Variants in EVC2 observed in about 807,000 individuals in gnomAD.
The protein encoded by EVC2 is limbin.
In EVC2, 148 loss-of-function variants were observed where a neutral mutation model predicts 149.3. The observed-to-expected ratio is 0.99, with a 90% CI of 0.87 to 1.14. The LOEUF is 1.14. EVC2 is among the 50% of genes most tolerant of loss of function. The pLI is 0.00. For missense variants in EVC2, 1,854 were observed against 1,627.3 expected (o/e 1.14, Z -2.40); for synonymous variants, 776 against 649.9 (o/e 1.19, Z -2.95).
chr4:5,676,663 C>T (rs1720015229), intron 7 of EVC2, among the ~76,000 whole-genome samples: 1 of 152,136 alleles, frequency 6.6e-6, no homozygotes, highest in Admixed American at 6.5e-5. Context: ...TCAGCTGCCC[C>T]TTCCCCAACT....
intron 7 of EVC2, among the ~76,000 whole-genome samples, chr4:5,668,867 C>A (rs186980158): frequency 1.3e-5 from 2 of 152,278 alleles, no homozygotes; most frequent in African/African-American, 4.8e-5. Context: ...GTCCTAACCC[C>A]AATACCTATG....
chr4:5,658,419 T>C lies in EVC2; in HGVS notation c.1145+4688A>G, dbSNP rs937367383. On this transcript the variant is annotated intron_variant, in intron 9 of 21. Transcript: ENST00000344408. ...ATAAAAAGAGTAGTAGTTGTAAAAATATACCATATGGTTGGCACATAAAAA... is the reference window on the plus strand; with the variant it reads ...ATAAAAAGAGTAGTAGTTGTAAAAACATACCATATGGTTGGCACATAAAAA... Among the ~76,000 whole-genome samples the C allele has an allele frequency of 5.9e-5, 9 of 152,286 alleles. No individual in the cohort carries two copies. The East Asian group carries it at 1.7e-3, about 29-fold the overall frequency.
chr4:5,658,515 C>T (rs1230951918), intron 9 of EVC2, among the ~76,000 whole-genome samples: 2 of 152,234 alleles, frequency 1.3e-5, no homozygotes, highest in South Asian at 2.1e-4. Context: ...TGTACAAACA[C>T]AATTTCGAGA....
intron 16 of EVC2, among the ~76,000 whole-genome samples, chr4:5,600,229 C>T (rs1391458104): frequency 3.3e-5 from 5 of 152,138 alleles, no homozygotes; most frequent in Admixed American, 1.3e-4. Context: ...CTGGTGCCTA[C>T]GGAGTACCTA....
intron 13 of EVC2, among the ~76,000 whole-genome samples, chr4:5,624,477 C>T (rs1577173397): frequency 6.6e-6 from 1 of 152,198 alleles, no homozygotes; most frequent in Non-Finnish European, 1.5e-5. Context: ...AGGTGTCAGG[C>T]AGTGTTCTCA....
chr4:5,629,901 G>A (rs7688985), intron 11 of EVC2, among the ~76,000 whole-genome samples: 10,341 of 152,266 alleles, frequency 0.068, 1,157 homozygotes, highest in African/African-American at 0.23. Flanking sequence ...CTCTGGTCAA[G>A]AAAGCTTGTA....
chr4:5,633,206 C>T lies in EVC2; in HGVS notation c.1471-1174G>A, dbSNP rs1716678763. On this transcript the variant is annotated intron_variant, in intron 10 of 21. Coordinates refer to ENST00000344408, the MANE Select transcript of EVC2 (RefSeq NM_147127.5). This position sits in a 1 kb window ranked among gnomAD's most constrained non-coding sequence, Gnocchi z 4.4. ...GGAGCTGAGGGCCTCAGTCTTGTAC[C>T]CACAAAGAAGTGAGTTCTGCAAACA... Among the ~76,000 whole-genome samples, 1 of 152,100 alleles carries T rather than the reference C, an allele frequency of 6.6e-6. No individual in the cohort carries two copies. Among genetic ancestry groups the T allele is most frequent in the Non-Finnish European group, 1.5e-5 (1 of 68,020 alleles).
intron 9 of EVC2, among the ~76,000 whole-genome samples, chr4:5,646,597 A>C (rs566741809): frequency 3.3e-5 from 5 of 152,326 alleles, no homozygotes; most frequent in African/African-American, 1.2e-4. Flanking sequence ...AGAGATGTAT[A>C]ATTATTTCTC....
At chr4:5,685,714 C>A (rs1720657715) in intron 5 of EVC2, among the ~76,000 whole-genome samples, 1 of 152,206 alleles carries the variant, frequency 6.6e-6, no homozygotes, top group African/African-American at 2.4e-5. Context: ...TGGACTCCCA[C>A]TCCTGACGTT....
chr4:5,597,062 T>A lies in EVC2; in HGVS notation c.2830-12212A>T, dbSNP rs994990885. On this transcript the variant is annotated intron_variant, in intron 16 of 21. Transcript: ENST00000344408. The stretch of plus-strand genomic sequence containing the variant: ...AGACTAATAACAGGCTCTGAAACTG[T>A]GGCAATAATCAATAGCTTACCAACC... 7.2e-5 allele frequency among the ~76,000 whole-genome samples: 11 copies of A among 152,264 alleles called. No homozygotes were observed. The East Asian group carries it at 2.1e-3, about 29-fold the overall frequency.
At chr4:5,690,096 AGT>A (rs1260800462) in intron 4 of EVC2, among the ~76,000 whole-genome samples, 1 of 152,258 alleles carries the variant, frequency 6.6e-6, no homozygotes, top group Non-Finnish European at 1.5e-5. Context: ...TGTGAAAAAA[AGT>A]GGGGGAGAAA....
In EVC2 at chr4:5,686,701, C is replaced by T. The variant is rs577207160; in HGVS notation, c.707-1222G>A. Among the ~76,000 whole-genome samples, 8 of 151,744 alleles carry T rather than the reference C, an allele frequency of 5.3e-5. No homozygotes were observed. Among genetic ancestry groups the T allele is most frequent in the Non-Finnish European group, 8.8e-5 (6 of 67,972 alleles). ...CACTGGCTCTAATAAAAGAAAAGCA[C>T]CAAATAATAATGATGAGGTCAGAAT... On this transcript the variant is annotated intron_variant, in intron 5 of 21. Transcript: ENST00000344408. The surrounding 1 kb of genome is among the most constrained non-coding windows in gnomAD (Gnocchi z 5.4).
chr4:5,698,550 A>G (rs1721629391), intron 1 of EVC2, among the ~76,000 whole-genome samples: 1 of 152,192 alleles, frequency 6.6e-6, no homozygotes, highest in African/African-American at 2.4e-5. Flanking sequence ...TACCTTTATG[A>G]ATCACTGGGC....
At position 5,614,329 on chromosome 4, in the gene EVC2, T is replaced by A. The variant is rs1715071191; in HGVS notation, c.2829+1093A>T. On this transcript the variant is annotated intron_variant, in intron 16 of 21. Transcript: ENST00000344408. This position sits in a 1 kb window ranked among gnomAD's most constrained non-coding sequence, Gnocchi z 4.7. Reference sequence around the variant, plus strand: ...CCAACTAGAACGGGCTCGCCTCTACTGGAGAGCAGGGACCAGGGCTGCCTC... The same window carrying A: ...CCAACTAGAACGGGCTCGCCTCTACAGGAGAGCAGGGACCAGGGCTGCCTC... Among the ~76,000 whole-genome samples the A allele has an allele frequency of 6.6e-6, 1 of 152,332 alleles. No individual in the cohort carries two copies. The highest frequency in any genetic ancestry group is 1.5e-5 in the Non-Finnish European group (1 of 68,028).
rs1245260584 is a variant in EVC2 at position 5,686,131 on chromosome 4, G to A, written c.707-652C>T. Among the ~76,000 whole-genome samples, 2 of 71,986 alleles carry A rather than the reference G, an allele frequency of 2.8e-5. No homozygotes were observed. Among genetic ancestry groups the A allele is most frequent in the African/African-American group, 6.8e-5 (1 of 14,642 alleles). 47.2% of individuals were successfully genotyped at this position (71,986 alleles called of 152,430 possible). A position where few individuals can be genotyped will look rare whatever the true frequency, so the allele number is the denominator to read the frequency against. On this transcript the variant is annotated intron_variant, in intron 5 of 21. Coordinates refer to ENST00000344408, the MANE Select transcript of EVC2 (RefSeq NM_147127.5). The surrounding 1 kb of genome is among the most constrained non-coding windows in gnomAD (Gnocchi z 5.4). ...ACACACACACACACACACACACAGA[G>A]TAAAGAAAAGAGGAGGAACGCTCAC...
At chr4:5,571,850 C>T (rs1722662391) in intron 19 of EVC2, among the ~76,000 whole-genome samples, 3 of 152,176 alleles carry the variant, frequency 2.0e-5, no homozygotes, top group Admixed American at 1.3e-4. Flanking sequence ...AAGTCGATGG[C>T]CTGTCATAAT....
chr4:5,686,981 G>C lies in EVC2; in HGVS notation c.707-1502C>G, dbSNP rs1228481378. 6.6e-6 allele frequency among the ~76,000 whole-genome samples: 1 copy of C among 152,180 alleles called. No homozygotes were observed. The highest frequency in any genetic ancestry group is 1.9e-4 in the East Asian group (1 of 5,188). On this transcript the variant is annotated intron_variant, in intron 5 of 21. Transcript: ENST00000344408. The surrounding 1 kb of genome is among the most constrained non-coding windows in gnomAD (Gnocchi z 5.4). ...TAAAAATAACAACAACAGTGGCCGG[G>C]CATGGTGGCTCACGCCTGTAATCCT...
chr4:5,559,240 G>A (rs1265791880), downstream of EVC2, among the ~76,000 whole-genome samples: 2 of 152,078 alleles, frequency 1.3e-5, no homozygotes, highest in Non-Finnish European at 2.9e-5. The surrounding 1 kb of genome is among the most constrained non-coding windows in gnomAD (Gnocchi z 5.0). Flanking sequence ...ACGGGAGAAA[G>A]CCAGAATGAT....
In EVC2 at chr4:5,563,021, G is replaced by T; in HGVS notation, c.3754C>A (p.Leu1252Met). ...PHLSLEPIGE[L>M]APVPIVGAET... ...GCCCCTACAATGGGTACAGGGGCCA[G>T]TTCGCCAATGGGCTCCAGTGACAGG... The change falls in exon 22 of 22, where the codon CTG (leucine) becomes ATG (methionine). Residue 1252 changes from leucine to methionine, a missense_variant. Physicochemically the swap from Leu to Met is conservative, Grantham distance 15. Coordinates refer to ENST00000344408, the MANE Select transcript of EVC2 (RefSeq NM_147127.5). 1 of 1,614,224 alleles carries T rather than the reference G, an allele frequency of 6.2e-7. No individual in the cohort carries two copies. Among genetic ancestry groups the T allele is most frequent in the Non-Finnish European group, 8.5e-7 (1 of 1,180,044 alleles).
Sources: gnomAD v4.1 joint callset for allele counts (sites outside exome capture counted in the v4.1 genomes callset) on GRCh38, gnomAD v4.1.1 for gene constraint, Gnocchi (gnomAD v3.1) non-coding constraint, MANE v1.5 for transcripts, NCBI Gene and HGNC (gene_info 2026-07-23, HGNC 2026-07-21) for gene names.